The following STK32B variants were observed in gnomAD, a reference collection of about 807,000 sequenced individuals.
STK32B encodes the protein serine/threonine-protein kinase 32B.
Under a neutral mutation model 52.6 loss-of-function variants are expected in STK32B, and 43 were observed. The observed-to-expected ratio is 0.82, with a 90% CI of 0.64 to 1.05. STK32B has a LOEUF of 1.05. Ranked by LOEUF, STK32B falls within the 50% of genes least tolerant of loss-of-function variation. STK32B has a pLI of 0.00. For missense variants in STK32B, 621 were observed against 534.6 expected (o/e 1.16, Z -1.59); for synonymous variants, 238 against 204.3 (o/e 1.17, Z -1.41).
chr4:5,109,310 C>T (rs2108800834), intron 1 of STK32B, among the ~76,000 whole-genome samples: 1 of 152,266 alleles, frequency 6.6e-6, no homozygotes, highest in East Asian at 1.9e-4. Context: ...ATGTATTCAT[C>T]CAATATTTAT....
At chr4:5,276,888 A>G (rs1727859664) in intron 3 of STK32B, among the ~76,000 whole-genome samples, 1 of 152,130 alleles carries the variant, frequency 6.6e-6, no homozygotes, top group South Asian at 2.1e-4. Context: ...AGTGAGAGCA[A>G]GAGCCTGCAG....
chr4:5,491,067 A>C (rs1413406741), intron 11 of STK32B, among the ~76,000 whole-genome samples: 2 of 152,214 alleles, frequency 1.3e-5, no homozygotes, highest in Admixed American at 6.5e-5. Flanking sequence ...AGCATGATTT[A>C]TAGTCCTTTG....
chr4:5,035,113 C>A, the STK32B span, among the ~76,000 whole-genome samples: 2 of 152,176 alleles, frequency 1.3e-5, no homozygotes, highest in Non-Finnish European at 2.9e-5. Context: ...TATGCTTGGT[C>A]CAGCCACTTA....
chr4:5,036,936 G>A, the STK32B span, among the ~76,000 whole-genome samples: 1 of 152,106 alleles, frequency 6.6e-6, no homozygotes, highest in South Asian at 2.1e-4. Context: ...AAAGTGCTGG[G>A]ATTATAGGCA....
intron 11 of STK32B, among the ~76,000 whole-genome samples, chr4:5,471,857 G>A (rs1348117933): frequency 6.6e-6 from 1 of 152,156 alleles, no homozygotes; most frequent in Non-Finnish European, 1.5e-5. Context: ...GGGTTCATCT[G>A]CAACTCCTAC....
Position 5,386,958 on chromosome 4 carries a change from G to A in STK32B, c.435-11249G>A, listed in dbSNP as rs1191718793. On this transcript the variant is annotated intron_variant, in intron 4 of 11. Coordinates refer to ENST00000282908, the MANE Select transcript of STK32B (RefSeq NM_018401.3). This position sits in a 1 kb window ranked among gnomAD's most constrained non-coding sequence, Gnocchi z 4.5. ...AATAGGAAGCTCTCGAAGAGTCGCA[G>A]CATCTCACAGGCCCAGCCACTTGGA... Among the ~76,000 whole-genome samples the A allele has an allele frequency of 6.6e-6, 1 of 152,238 alleles. No individual in the cohort carries two copies. Among genetic ancestry groups the A allele is most frequent in the Non-Finnish European group, 1.5e-5 (1 of 68,034 alleles).
At chr4:5,033,480 C>G in the STK32B span, among the ~76,000 whole-genome samples, 1 of 152,328 alleles carries the variant, frequency 6.6e-6, no homozygotes, top group East Asian at 1.9e-4. Context: ...CAACTTAGAC[C>G]TTGGACAGAA....
intron 3 of STK32B, among the ~76,000 whole-genome samples, chr4:5,236,717 C>T (rs1560247277): frequency 6.6e-6 from 1 of 152,178 alleles, no homozygotes; most frequent in Non-Finnish European, 1.5e-5. Context: ...TAGATTGCTT[C>T]CATGCGTTGC....
chr4:5,487,094 C>G (rs1325792008), intron 11 of STK32B, among the ~76,000 whole-genome samples: 1 of 152,180 alleles, frequency 6.6e-6, no homozygotes, highest in Non-Finnish European at 1.5e-5. Context: ...TGTTGTTGAT[C>G]AACCATGCTG....
intron 3 of STK32B, among the ~76,000 whole-genome samples, chr4:5,320,937 A>C (rs1181248387): frequency 2.6e-5 from 4 of 152,220 alleles, no homozygotes; most frequent in Admixed American, 2.6e-4. Flanking sequence ...TTTTAGGAAC[A>C]GGTCGATTAT....
At chr4:5,032,025 C>T in the STK32B span, among the ~76,000 whole-genome samples, 3 of 152,138 alleles carry the variant, frequency 2.0e-5, no homozygotes, top group Non-Finnish European at 2.9e-5. Context: ...GAATGATTCA[C>T]CAAGCAGACT....
chr4:5,490,205 C>G, intron 11 of STK32B, among the ~76,000 whole-genome samples: 1 of 151,724 alleles, frequency 6.6e-6, no homozygotes, highest in East Asian at 1.9e-4. Flanking sequence ...CTCCCGGGTT[C>G]AAGCAATTCT....
chr4:5,473,351 C>T (rs1717989169), intron 11 of STK32B, among the ~76,000 whole-genome samples: 1 of 152,218 alleles, frequency 6.6e-6, no homozygotes, highest in Admixed American at 6.5e-5. Context: ...GGGTTCTCTC[C>T]AATGCACCCA....
intron 4 of STK32B, among the ~76,000 whole-genome samples, chr4:5,370,225 A>G (rs913656047): frequency 6.6e-6 from 1 of 152,224 alleles, no homozygotes; most frequent in Non-Finnish European, 1.5e-5. Flanking sequence ...TCATATAATT[A>G]TATGGAGCAA....
chr4:5,160,218 A>G (rs1258146587), intron 2 of STK32B, among the ~76,000 whole-genome samples: 1 of 152,162 alleles, frequency 6.6e-6, no homozygotes, highest in East Asian at 1.9e-4. Flanking sequence ...CGCTTTGCAC[A>G]TCTCCACAAT....
chr4:5,241,162 A>C (rs1011720498), intron 3 of STK32B, among the ~76,000 whole-genome samples: 1 of 152,140 alleles, frequency 6.6e-6, no homozygotes, highest in African/African-American at 2.4e-5. Context: ...ATCTGTGGCA[A>C]TCCCAGCTTG....
In STK32B at chr4:5,329,677, G is replaced by A. The variant is rs1160243477; in HGVS notation, c.261-1543G>A. ...TTCTTTGTCCCAGTGTCCCCAGCAC[G>A]TAGCCCAATGCCTATCAGACAGTAG... On this transcript the variant is annotated intron_variant, in intron 3 of 11. Coordinates refer to ENST00000282908, the MANE Select transcript of STK32B (RefSeq NM_018401.3). Among the ~76,000 whole-genome samples, 5 of 152,218 alleles carry A rather than the reference G, an allele frequency of 3.3e-5. No homozygotes were observed. In the South Asian group the frequency reaches 1.0e-3, roughly 32 times the overall value.
intron 5 of STK32B, among the ~76,000 whole-genome samples, chr4:5,409,372 A>C (rs1301842767): frequency 2.6e-5 from 4 of 151,824 alleles, no homozygotes; most frequent in African/African-American, 9.7e-5. Context: ...CGTTGCAAAA[A>C]CTTCTCCAAA....
intron 3 of STK32B, among the ~76,000 whole-genome samples, chr4:5,286,794 C>CTTTTTT (rs60300816): frequency 4.4e-5 from 5 of 113,252 alleles, no homozygotes; most frequent in African/African-American, 1.2e-4. Context: ...TACAGATGTA[C>CTTTTTT]TTTTTTTTTT....
Sources: allele counts gnomAD v4.1 joint callset (sites outside exome capture counted in the v4.1 genomes callset), GRCh38; gene constraint gnomAD v4.1.1; non-coding constraint Gnocchi (gnomAD v3.1); transcripts MANE v1.5; gene names NCBI Gene and HGNC (gene_info 2026-07-23, HGNC 2026-07-21).